Variants in CEP135 observed in about 807,000 individuals in gnomAD.
CEP135 encodes the protein centrosomal protein 135.
A neutral mutation model predicts 157.3 loss-of-function variants in CEP135; 142 were observed. That is an observed-to-expected ratio of 0.90 (90% CI 0.79 to 1.04). CEP135 has a LOEUF of 1.04. Among genes scored for constraint, CEP135 ranks in the 50% least tolerant of loss-of-function variants. The probability of loss-of-function intolerance (pLI) is 0.00; values close to 1 mark genes in which losing one functional copy is unlikely to be tolerated. For missense variants in CEP135, 1,317 were observed against 1,309.2 expected, an observed-to-expected ratio of 1.01 and a Z score of -0.09; for synonymous variants, 396 against 439.8, an observed-to-expected ratio of 0.90 and a Z score of 1.25.
At position 56,009,797 on chromosome 4, in the gene CEP135, A is replaced by G; in HGVS notation, c.2399A>G (p.Asp800Gly). 6.8e-6 allele frequency: 11 copies of G among 1,614,104 alleles called. No homozygotes were observed. Among genetic ancestry groups the G allele is most frequent in the Non-Finnish European group, 9.3e-6 (11 of 1,180,010 alleles). Residue 800 changes from aspartate (D) to glycine (G), a missense_variant, in exon 19 of 26, where the codon GAT (aspartate) becomes GGT (glycine). Coordinates refer to ENST00000257287, the MANE Select transcript of CEP135 (RefSeq NM_025009.5). ...ATAAACAGCCTCCGGCGCCAGCTTG[A>G]TGCAGCTCACAAAGAACTCGATGAA... ...REINSLRRQL[D>G]AAHKELDEVG... is the part of the protein sequence containing the mutation.
At chr4:55,990,444 T>A (rs1364935559) in intron 14 of CEP135, among the ~76,000 whole-genome samples, 1 of 152,158 alleles carries the variant, frequency 6.6e-6, no homozygotes, top group East Asian at 1.9e-4. Context: ...GTATGTAAAA[T>A]AAAGAAGAAA....
intron 4 of CEP135, among the ~76,000 whole-genome samples, chr4:55,954,818 C>G (rs1240296140): frequency 1.3e-5 from 2 of 152,194 alleles, no homozygotes; most frequent in Non-Finnish European, 2.9e-5. Context: ...GGTGCAGTGG[C>G]TCACACCTGT....
At chr4:55,957,406 C>G (rs747281578) in intron 5 of CEP135, 42 bp downstream of exon 5, 3 of 1,580,564 alleles carry the variant, frequency 1.9e-6, no homozygotes, top group Admixed American at 1.8e-5. Context: ...TAATTGAGCA[C>G]TCAATTAGCT....
Position 56,011,932 on chromosome 4 carries a change from G to C in CEP135, c.2749G>C (p.Glu917Gln). ...VRLELLSIDT[E>Q]RRHLRERVEL... ...ACTGGAACTTCTTTCTATTGACACT[G>C]AGAGGAGACATCTTCGAGAAAGAGT... is the stretch of plus-strand genomic sequence containing the variant. Residue 917 changes from glutamate to glutamine, a missense_variant, in exon 21 of 26, where the codon GAG (glutamate) becomes CAG (glutamine). Coordinates refer to ENST00000257287, the MANE Select transcript of CEP135 (RefSeq NM_025009.5). 1 of 1,590,832 alleles carries C rather than the reference G, an allele frequency of 6.3e-7. No individual in the cohort carries two copies. Among genetic ancestry groups the C allele is most frequent in the South Asian group, 1.2e-5 (1 of 86,794 alleles).
At position 55,974,727 on chromosome 4, in the gene CEP135, T is replaced by G. The variant is rs1560405117; in HGVS notation, c.1250-19T>G. 10 of 1,573,650 alleles carry G rather than the reference T, an allele frequency of 6.4e-6. No individual in the cohort carries two copies. Among genetic ancestry groups the G allele is most frequent in the Non-Finnish European group, 8.7e-6 (10 of 1,149,128 alleles). ...ATGTATACAACATTATTTTAAGAGT[T>G]AACCACTTTAATTTACAGAACGACA... On this transcript the variant is annotated intron_variant, in intron 10 of 25. Transcript: ENST00000257287.
intron 11 of CEP135, 147 bp from the exon 12 acceptor site, chr4:55,979,996 A>G: frequency 4.4e-6 from 3 of 679,350 alleles, no homozygotes; most frequent in South Asian, 1.9e-5. Flanking sequence ...TGCTCTCATC[A>G]TAGATTTTTA....
At chr4:55,985,673 G>T (rs909944417) in intron 14 of CEP135, among the ~76,000 whole-genome samples, 1 of 152,092 alleles carries the variant, frequency 6.6e-6, no homozygotes, top group African/African-American at 2.4e-5. Context: ...GGCCAGGCTG[G>T]TCTCAAACTC....
chr4:55,988,017 G>A (rs1729645207), intron 14 of CEP135, among the ~76,000 whole-genome samples: 2 of 152,096 alleles, frequency 1.3e-5, no homozygotes, highest in African/African-American at 2.4e-5. Flanking sequence ...AATTTTAGTA[G>A]TCATGAATAA....
intron 11 of CEP135, among the ~76,000 whole-genome samples, chr4:55,979,249 A>G (rs995581750): frequency 6.6e-6 from 1 of 152,028 alleles, no homozygotes; most frequent in Non-Finnish European, 1.5e-5. Flanking sequence ...TTTTTTTTTA[A>G]TAGGAAAAAG....
intron 6 of CEP135, chr4:55,960,167 T>C: frequency 4.2e-6 from 1 of 238,062 alleles, no homozygotes; most frequent in Non-Finnish European, 8.0e-6. Context: ...ATTACCGTTT[T>C]CATCTCAGGA....
chr4:55,953,508 A>AG (rs1313630739), intron 3 of CEP135, among the ~76,000 whole-genome samples: 1 of 152,114 alleles, frequency 6.6e-6, no homozygotes. Flanking sequence ...TCAAAAAAAA[A>AG]GAAAAGAAAA....
intron 14 of CEP135, 116 bp from the exon 15 acceptor site, chr4:55,991,818 T>G: frequency 1.5e-6 from 1 of 650,854 alleles, no homozygotes; most frequent in Non-Finnish European, 2.4e-6. Flanking sequence ...TAAAGTTTTT[T>G]TAAAAATAAA....
chr4:55,951,002 A>C (rs1342432420), intron 1 of CEP135, among the ~76,000 whole-genome samples: 2 of 152,286 alleles, frequency 1.3e-5, no homozygotes, highest in African/African-American at 4.8e-5. Flanking sequence ...TTGTTCATCA[A>C]CTTCATGTAA....
chr4:55,968,409 TC>T, intron 8 of CEP135, among the ~76,000 whole-genome samples: 1 of 151,250 alleles, frequency 6.6e-6, no homozygotes, highest in East Asian at 1.9e-4. Context: ...AGAAGAAACT[TC>T]TAAAATGCAT....
At chr4:56,027,472 G>A (rs766697384) in intron 25 of CEP135, among the ~76,000 whole-genome samples, 38 of 152,134 alleles carry the variant, frequency 2.5e-4, no homozygotes, top group Non-Finnish European at 5.3e-4. Context: ...TTGACATCAT[G>A]TAGCTCTGGA....
chr4:56,013,870 G>T (rs188102200), intron 21 of CEP135, among the ~76,000 whole-genome samples: 57 of 152,274 alleles, frequency 3.7e-4, no homozygotes, highest in Non-Finnish European at 7.5e-4. Flanking sequence ...TTAAAATGAG[G>T]TCATAGCGGA....
rs200550529 is a variant in CEP135 at position 55,971,454 on chromosome 4, C to T, written c.1249+46C>T. 5.9e-6 allele frequency: 9 copies of T among 1,529,386 alleles called. No homozygotes were observed. In the East Asian group the frequency reaches 1.9e-4, roughly 31 times the overall value. 94.7% of individuals were successfully genotyped at this position (1,529,386 alleles called of 1,614,324 possible). On this transcript the variant is annotated intron_variant, in intron 10 of 25. Coordinates refer to ENST00000257287, the MANE Select transcript of CEP135 (RefSeq NM_025009.5). ...AGCTAAAGAATGATTGTGATTTCCT[C>T]TTGATGTATTGTTTTTCTTAGTAGA...
At chr4:55,957,128 G>T in intron 4 of CEP135, 95 bp from the exon 5 acceptor site, 1 of 1,311,340 alleles carries the variant, frequency 7.6e-7, no homozygotes, top group South Asian at 1.4e-5. Flanking sequence ...ATGAACTGCA[G>T]ACACACTTTA....
intron 21 of CEP135, among the ~76,000 whole-genome samples, chr4:56,014,611 A>C (rs530095396): frequency 6.6e-6 from 1 of 152,164 alleles, no homozygotes; most frequent in Non-Finnish European, 1.5e-5. Context: ...ATGAACTCGG[A>C]TATTTAGCTG....
Sources: allele counts gnomAD v4.1 joint callset (sites outside exome capture counted in the v4.1 genomes callset), GRCh38; gene constraint gnomAD v4.1.1; transcripts MANE v1.5; gene names NCBI Gene and HGNC (gene_info 2026-07-23, HGNC 2026-07-21).